RDX: variants seen among roughly 807,000 people sequenced by gnomAD.
RDX encodes deafness, autosomal recessive 24.
Under a neutral mutation model 83.7 loss-of-function variants are expected in RDX, and 32 were observed. That is an observed-to-expected ratio of 0.38 (90% confidence interval 0.29 to 0.51). RDX has a LOEUF of 0.51. Ranked by LOEUF, RDX falls within the 20% of genes least tolerant of loss-of-function variation. The probability of loss-of-function intolerance (pLI) is 0.87; values close to 1 mark genes in which losing one functional copy is unlikely to be tolerated. For synonymous variants in RDX, 229 were observed against 222.7 expected (o/e 1.03, Z -0.25); for missense variants, 600 against 689.9 (o/e 0.87, Z 1.46).
At chr11:110,296,382 G>T (rs1861462368) in intron 1 of RDX, 85 bp downstream of exon 1, 2 of 151,816 alleles carry the variant, frequency 1.3e-5, no homozygotes, top group Admixed American at 6.6e-5. Flanking sequence ...GGGCAGCACG[G>T]GCCCCGCAAC....
At chr11:110,270,513 T>C (rs1403321125) in intron 3 of RDX, among the ~76,000 whole-genome samples, 2 of 152,184 alleles carry the variant, frequency 1.3e-5, no homozygotes, top group African/African-American at 2.4e-5. Flanking sequence ...GAAAGAGATA[T>C]ACACAAAACC....
intron 15 of RDX, among the ~76,000 whole-genome samples, chr11:110,196,484 T>A (rs1046604067): frequency 6.6e-6 from 1 of 152,226 alleles, no homozygotes; most frequent in Non-Finnish European, 1.5e-5. Flanking sequence ...AATGTTCTGA[T>A]CCAGAATTAT....
chr11:110,205,710 A>C (rs2358237), intron 14 of RDX, among the ~76,000 whole-genome samples: 58,893 of 152,012 alleles, frequency 0.39, 11,654 homozygotes, highest in East Asian at 0.6. Flanking sequence ...TGTCATCTTA[A>C]ACCTATCAAA....
intron 3 of RDX, among the ~76,000 whole-genome samples, chr11:110,271,897 C>T (rs1193660961): frequency 3.3e-5 from 5 of 152,168 alleles, no homozygotes; most frequent in Non-Finnish European, 7.3e-5. Context: ...GAAACCTCTT[C>T]AGTACCAACA....
chr11:110,190,909 A>T (rs887974971), intron 15 of RDX, among the ~76,000 whole-genome samples: 1 of 152,222 alleles, frequency 6.6e-6, no homozygotes, highest in Non-Finnish European at 1.5e-5. Flanking sequence ...CGAAACTCTG[A>T]ATAGAGCAGT....
intron 14 of RDX, among the ~76,000 whole-genome samples, chr11:110,207,867 T>C (rs188412687): frequency 2.0e-5 from 3 of 152,340 alleles, no homozygotes; most frequent in East Asian, 1.9e-4. Context: ...TCTAATTTGA[T>C]AGAATCTACT....
chr11:110,243,360 A>G (rs938944954), intron 10 of RDX, among the ~76,000 whole-genome samples: 1 of 152,152 alleles, frequency 6.6e-6, no homozygotes, highest in Non-Finnish European at 1.5e-5. Flanking sequence ...AACAATAAAA[A>G]CTAGTGGAAG....
chr11:110,242,072 G>A (rs946758448), intron 10 of RDX, among the ~76,000 whole-genome samples: 2 of 152,148 alleles, frequency 1.3e-5, no homozygotes, highest in Admixed American at 1.3e-4. Context: ...AGTTTTACAA[G>A]ATGAAAATAA....
chr11:110,274,538 T>C (rs766540851), intron 2 of RDX, among the ~76,000 whole-genome samples: 9 of 152,200 alleles, frequency 5.9e-5, no homozygotes, highest in Non-Finnish European at 1.2e-4. Flanking sequence ...GTTGCCTAGG[T>C]TGGAGCACAG....
chr11:110,218,051 C>A (rs1005735244), intron 14 of RDX, among the ~76,000 whole-genome samples: 1 of 152,190 alleles, frequency 6.6e-6, no homozygotes, highest in Non-Finnish European at 1.5e-5. Context: ...AGCCTATTTA[C>A]TATAGATGGC....
At chr11:110,281,834 C>G (rs971767118) in intron 1 of RDX, among the ~76,000 whole-genome samples, 1 of 150,914 alleles carries the variant, frequency 6.6e-6, no homozygotes, top group African/African-American at 2.4e-5. Context: ...AGGCCAGGCG[C>G]GATAGCTCAC....
At chr11:110,270,620 C>T (rs563696355) in intron 3 of RDX, among the ~76,000 whole-genome samples, 8 of 152,198 alleles carry the variant, frequency 5.3e-5, no homozygotes, top group South Asian at 2.1e-4. Flanking sequence ...ATTGTACAAA[C>T]GAGAAAAATA....
intron 15 of RDX, among the ~76,000 whole-genome samples, chr11:110,177,590 T>C (rs1268408297): frequency 2.0e-5 from 3 of 152,184 alleles, no homozygotes; most frequent in Non-Finnish European, 4.4e-5. Context: ...TGCCTCACCT[T>C]TGTCCCTCTC....
chr11:110,209,230 CG>C (rs1212551269), intron 14 of RDX, among the ~76,000 whole-genome samples: 2 of 151,974 alleles, frequency 1.3e-5, no homozygotes, highest in East Asian at 1.9e-4. Flanking sequence ...GGGTGACGGA[CG>C]GCACCTGGAA....
At chr11:110,293,038 A>G (rs1463682793) in intron 1 of RDX, among the ~76,000 whole-genome samples, 1 of 152,268 alleles carries the variant, frequency 6.6e-6, no homozygotes, top group African/African-American at 2.4e-5. Context: ...CTTGAGAATT[A>G]GCGTAGGGAA....
chr11:110,224,429 A>G (rs2134282239), intron 14 of RDX, among the ~76,000 whole-genome samples: 1 of 152,334 alleles, frequency 6.6e-6, no homozygotes, highest in Middle Eastern at 3.4e-3. Context: ...TTGTGAAGAT[A>G]ATGGATCTAG....
intron 14 of RDX, among the ~76,000 whole-genome samples, chr11:110,217,002 T>C (rs1864078221): frequency 6.6e-6 from 1 of 152,200 alleles, no homozygotes; most frequent in Non-Finnish European, 1.5e-5. Context: ...TCCTCACTCT[T>C]TGGACAGAGC....
At chr11:110,190,257 T>C (rs1404110725) in intron 15 of RDX, among the ~76,000 whole-genome samples, 4 of 152,086 alleles carry the variant, frequency 2.6e-5, no homozygotes, top group African/African-American at 4.8e-5. Flanking sequence ...CTGGCCAACA[T>C]GGTGAAACCC....
chr11:110,267,953 G>GA (rs36112140), intron 3 of RDX, among the ~76,000 whole-genome samples: 92 of 148,648 alleles, frequency 6.2e-4, no homozygotes, highest in African/African-American at 2.0e-3. Context: ...GACCCTGTCT[G>GA]AAAAAAAAGA....
Sources: allele counts gnomAD v4.1 joint callset (sites outside exome capture counted in the v4.1 genomes callset), GRCh38; gene constraint gnomAD v4.1.1; transcripts MANE v1.5; gene names NCBI Gene and HGNC (gene_info 2026-07-23, HGNC 2026-07-21).